TRIM24: variants seen among roughly 807,000 people sequenced by gnomAD.
The protein encoded by TRIM24 is transcription intermediary factor 1-alpha.
A neutral mutation model predicts 123.9 loss-of-function variants in TRIM24; 29 were observed. The ratio of observed to expected loss-of-function variants is 0.23; its 90% CI spans 0.17 to 0.32. TRIM24 has a LOEUF of 0.32. TRIM24 is among the 10% of genes least tolerant of loss of function. TRIM24 has a pLI of 1.00. For synonymous variants in TRIM24, 456 were observed against 461.1 expected (o/e 0.99, Z 0.14); for missense variants, 932 against 1,295.3 (o/e 0.72, Z 4.31).
chr7:138,573,407 C>T (rs959163983), intron 11 of TRIM24, 100 bp from the exon 12 acceptor site: 23 of 1,111,118 alleles, frequency 2.1e-5, no homozygotes, highest in Non-Finnish European at 2.5e-5. Flanking sequence ...TTTTGTTATT[C>T]GATAATAATT....
chr7:138,481,067 G>GC (rs535209287), intron 1 of TRIM24, among the ~76,000 whole-genome samples: 395 of 151,876 alleles, frequency 2.6e-3, no homozygotes, highest in African/African-American at 8.5e-3. Flanking sequence ...ATCTCAGCTT[G>GC]CTGCAACCTC....
intron 9 of TRIM24, among the ~76,000 whole-genome samples, chr7:138,559,240 T>C (rs189260173): frequency 6.6e-6 from 1 of 152,218 alleles, no homozygotes; most frequent in East Asian, 1.9e-4. Context: ...ATAAATATAG[T>C]ACAGCAGAGT....
intron 1 of TRIM24, among the ~76,000 whole-genome samples, chr7:138,497,849 C>T (rs1007445146): frequency 6.6e-6 from 1 of 151,044 alleles, no homozygotes; most frequent in African/African-American, 2.4e-5. Context: ...CGCCACCATA[C>T]CTGGCCAATT....
intron 7 of TRIM24, among the ~76,000 whole-genome samples, chr7:138,545,867 G>A (rs1797091128): frequency 6.6e-6 from 1 of 152,176 alleles, no homozygotes; most frequent in African/African-American, 2.4e-5. Flanking sequence ...ATAAGTCACT[G>A]TAATAATAAA....
chr7:138,474,505 T>G (rs1284471958), intron 1 of TRIM24, among the ~76,000 whole-genome samples: 1 of 152,200 alleles, frequency 6.6e-6, no homozygotes, highest in Non-Finnish European at 1.5e-5. Flanking sequence ...CTTTTATGGA[T>G]TATTCTTTTG....
intron 4 of TRIM24, among the ~76,000 whole-genome samples, chr7:138,521,512 C>T (rs1190500085): frequency 6.6e-6 from 1 of 151,708 alleles, no homozygotes; most frequent in Non-Finnish European, 1.5e-5. Flanking sequence ...AATAGTTAAT[C>T]AGTATAAACA....
At chr7:138,500,059 C>G (rs1191705595) in intron 1 of TRIM24, among the ~76,000 whole-genome samples, 1 of 152,048 alleles carries the variant, frequency 6.6e-6, no homozygotes, top group Non-Finnish European at 1.5e-5. Flanking sequence ...TGTGATCTAC[C>G]ATGTGTAATA....
intron 2 of TRIM24, among the ~76,000 whole-genome samples, chr7:138,510,211 C>T (rs1322882292): frequency 1.3e-5 from 2 of 152,202 alleles, no homozygotes; most frequent in Admixed American, 6.5e-5. Flanking sequence ...TCCAGCACTA[C>T]CCGTTGTTAG....
At chr7:138,461,433 A>T (rs1376507019) in intron 1 of TRIM24, 1 of 368,054 alleles carries the variant, frequency 2.7e-6, no homozygotes, top group Non-Finnish European at 5.3e-6. Flanking sequence ...TTTATTTCTT[A>T]TCTTGCATGT....
chr7:138,563,142 T>G (rs1265011230), intron 9 of TRIM24, among the ~76,000 whole-genome samples: 1 of 152,170 alleles, frequency 6.6e-6, no homozygotes, highest in African/African-American at 2.4e-5. Flanking sequence ...GGCCCCCCAC[T>G]TCTAATGTGA....
intron 1 of TRIM24, among the ~76,000 whole-genome samples, chr7:138,467,762 A>G (rs1210238024): frequency 6.6e-6 from 1 of 152,230 alleles, no homozygotes; most frequent in Non-Finnish European, 1.5e-5. Flanking sequence ...TACATAGTAT[A>G]AATATTAAAC....
chr7:138,537,470 A>T (rs1796915169), intron 6 of TRIM24, among the ~76,000 whole-genome samples: 1 of 147,508 alleles, frequency 6.8e-6, no homozygotes, highest in Admixed American at 6.9e-5. Context: ...AAGGCAAATA[A>T]AAATAACCCC....
intron 1 of TRIM24, among the ~76,000 whole-genome samples, chr7:138,479,765 C>T (rs750932870): frequency 8.6e-5 from 13 of 151,920 alleles, no homozygotes; most frequent in Non-Finnish European, 1.9e-4. Flanking sequence ...GCCTTGGCCT[C>T]CCAAAGTGCT....
rs1195940807 is a variant in TRIM24, at chr7:138,555,056, T to C, written c.1530+90T>C. The C allele has an allele frequency of 1.3e-5, 17 of 1,315,480 alleles. No individual in the cohort carries two copies. The East Asian group carries it at 3.3e-4, about 25-fold the overall frequency. The allele number at this position is 1,315,480 out of a possible 1,614,324, so 81.5% of individuals were successfully genotyped here. ...AAATAACAAAGACATCCATTTTCCA[T>C]ACTCTAAATATCTGCATTTATAAAA... On this transcript the variant is annotated intron_variant, in intron 9 of 18. Coordinates refer to ENST00000343526, the MANE Select transcript of TRIM24 (RefSeq NM_015905.3).
intron 10 of TRIM24, 118 bp from the exon 11 acceptor site, chr7:138,570,712 C>T: frequency 1.2e-6 from 1 of 822,844 alleles, no homozygotes; most frequent in Non-Finnish European, 1.8e-6. Flanking sequence ...CTGTCCCATT[C>T]TCCTTCCATG....
At chr7:138,496,703 G>C (rs1795914930) in intron 1 of TRIM24, among the ~76,000 whole-genome samples, 1 of 151,612 alleles carries the variant, frequency 6.6e-6, no homozygotes, top group Admixed American at 6.6e-5. Context: ...ATCTCACTAT[G>C]TGGCCCAGGC....
At chr7:138,522,649 C>A (rs542312683) in intron 4 of TRIM24, among the ~76,000 whole-genome samples, 1 of 151,648 alleles carries the variant, frequency 6.6e-6, no homozygotes, top group Non-Finnish European at 1.5e-5. Flanking sequence ...TAAACAAAGT[C>A]ATTTTTTTTT....
At chr7:138,576,540 G>A (rs1797763495) in intron 13 of TRIM24, 95 bp downstream of exon 13, 1 of 1,006,762 alleles carries the variant, frequency 9.9e-7, no homozygotes. Flanking sequence ...AATATATTTT[G>A]AACAATTTCC....
intron 1 of TRIM24, chr7:138,461,253 G>A (rs371706864): frequency 4.9e-5 from 29 of 591,104 alleles, no homozygotes; most frequent in African/African-American, 4.4e-4. Flanking sequence ...TTTGCCGGCT[G>A]CAGCCAGTTA....
Sources: allele counts gnomAD v4.1 joint callset (sites outside exome capture counted in the v4.1 genomes callset), GRCh38; gene constraint gnomAD v4.1.1; transcripts MANE v1.5; gene names NCBI Gene and HGNC (gene_info 2026-07-23, HGNC 2026-07-21).